The following MMP24 variants were observed in gnomAD, a reference collection of about 807,000 sequenced individuals.
The protein encoded by MMP24 is matrix metallopeptidase 24.
Under a neutral mutation model 62.8 loss-of-function variants are expected in MMP24, and 25 were observed. That is an observed-to-expected ratio of 0.40 (90% confidence interval 0.29 to 0.56). The LOEUF (loss-of-function observed/expected upper bound fraction) is 0.56, where lower values mean the gene tolerates loss of function less well. Among genes scored for constraint, MMP24 ranks in the 20% least tolerant of loss-of-function variants. MMP24 has a pLI of 0.50. For missense variants in MMP24, 634 were observed against 853.6 expected (o/e 0.74, Z 3.21); for synonymous variants, 319 against 350.5 (o/e 0.91, Z 1.00).
rs1231537611 is a variant in MMP24 at position 35,263,928 on chromosome 20, C to G, written c.955C>G (p.Leu319Val). Residue 319 changes from leucine to valine, a missense_variant, in exon 5 of 9, where the codon CTC becomes GTC. Physicochemically the swap from Leu to Val is conservative, Grantham distance 32 (BLOSUM62 1). Around this residue, in one of 3 missense-constraint regions of MMP24, gnomAD observed 399 missense variants for 530.8 expected, o/e 0.75. Transcript: ENST00000246186. ...CAACTTCAAGCTGCCCCAGGACGAT[C>G]TCCAGGGCATCCAGAAGATCTATGG... ...THNFKLPQDD[L>V]QGIQKIYGPP... is the part of the protein sequence containing the mutation. 1 of 1,610,928 alleles carries G rather than the reference C, an allele frequency of 6.2e-7. No individual in the cohort carries two copies. Among genetic ancestry groups the G allele is most frequent in the Non-Finnish European group, 8.5e-7 (1 of 1,178,386 alleles).
At chr20:35,266,838 G>A (rs1568620199) in intron 5 of MMP24, among the ~76,000 whole-genome samples, 1 of 152,110 alleles carries the variant, frequency 6.6e-6, no homozygotes, top group Non-Finnish European at 1.5e-5. Flanking sequence ...GTGGGTGACG[G>A]GTAGAAGCTG....
intron 1 of MMP24, among the ~76,000 whole-genome samples, chr20:35,231,620 G>A (rs1284534016): frequency 6.6e-6 from 1 of 152,072 alleles, no homozygotes; most frequent in East Asian, 1.9e-4. Flanking sequence ...CCATGTATGT[G>A]GCCCTATTTG....
chr20:35,271,789 G>C lies in MMP24; in HGVS notation c.1554G>C (p.Lys518Asn). 6.2e-7 allele frequency: 1 copy of C among 1,608,138 alleles called. No homozygotes were observed. Among genetic ancestry groups the C allele is most frequent in the South Asian group, 1.1e-5 (1 of 89,914 alleles). ...ACCCTAAGCCCATCACCGTGTGGAA[G>C]GGCATCCCACAGGCTCCCCAAGGAG... The part of the protein sequence containing the change: ...PGYPKPITVW[K>N]GIPQAPQGAF... The change falls in exon 8 of 9, where the codon AAG becomes AAC. Residue 518 changes from lysine (K) to asparagine (N), a missense_variant. By Grantham distance (94) the Lys-to-Asn change is moderately conservative. Transcript: ENST00000246186. The surrounding 1 kb of genome is among the most constrained non-coding windows in gnomAD (Gnocchi z 4.0).
Position 35,271,103 on chromosome 20 carries a change from G to T in MMP24, c.1334-466G>T, listed in dbSNP as rs1008226750. On this transcript the variant is annotated intron_variant, in intron 7 of 8. Transcript: ENST00000246186. This position sits in a 1 kb window ranked among gnomAD's most constrained non-coding sequence, Gnocchi z 4.0. The stretch of plus-strand genomic sequence containing the variant: ...AAGAGAGGGTCAACAGTGAGGCTAG[G>T]ACTCCCTGTTGGGGACCTGGGAGGC... 6.6e-6 allele frequency among the ~76,000 whole-genome samples: 1 copy of T among 152,174 alleles called. No homozygotes were observed. The highest frequency in any genetic ancestry group is 1.9e-4 in the East Asian group (1 of 5,178).
intron 1 of MMP24, among the ~76,000 whole-genome samples, chr20:35,231,296 T>C (rs1389314219): frequency 6.6e-6 from 1 of 152,188 alleles, no homozygotes; most frequent in Non-Finnish European, 1.5e-5. Flanking sequence ...GCTGAGGAGA[T>C]GGAGAACAGT....
At chr20:35,249,612 G>C (rs946734622) in intron 2 of MMP24, among the ~76,000 whole-genome samples, 1 of 149,248 alleles carries the variant, frequency 6.7e-6, no homozygotes, top group African/African-American at 2.5e-5. Flanking sequence ...TTTTTGAGAC[G>C]GAGTCTCGCT....
At chr20:35,243,175 T>C (rs1360785907) in intron 1 of MMP24, among the ~76,000 whole-genome samples, 1 of 151,708 alleles carries the variant, frequency 6.6e-6, no homozygotes. Flanking sequence ...CAAGACTTCA[T>C]CTCAAAAAAA....
intron 3 of MMP24, among the ~76,000 whole-genome samples, chr20:35,253,614 G>A (rs553096929): frequency 2.0e-4 from 30 of 152,122 alleles, no homozygotes; most frequent in Non-Finnish European, 3.5e-4. Flanking sequence ...AGGTAGTAAC[G>A]TTGTTTTGTG....
intron 1 of MMP24, among the ~76,000 whole-genome samples, chr20:35,229,678 T>A (rs78194423): frequency 0.071 from 10,862 of 152,128 alleles, 1,293 homozygotes; most frequent in African/African-American, 0.25. Context: ...CTGGAGTCTG[T>A]CTCCACCCTA....
At chr20:35,235,644 G>T (rs1021782438) in intron 1 of MMP24, among the ~76,000 whole-genome samples, 1 of 152,138 alleles carries the variant, frequency 6.6e-6, no homozygotes, top group African/African-American at 2.4e-5. Context: ...GTTGCAGTGA[G>T]CCAAAATCAC....
chr20:35,245,505 G>C (rs1568612368), intron 1 of MMP24, among the ~76,000 whole-genome samples: 1 of 151,528 alleles, frequency 6.6e-6, no homozygotes, highest in Non-Finnish European at 1.5e-5. Context: ...CTGGAGGGCA[G>C]TTGTGCAATC....
intron 3 of MMP24, among the ~76,000 whole-genome samples, chr20:35,254,089 G>A (rs542231150): frequency 1.3e-5 from 2 of 152,186 alleles, no homozygotes; most frequent in African/African-American, 2.4e-5. Context: ...GGCTGGTCTC[G>A]AACTCCTGAC....
At chr20:35,246,176 CG>C (rs1555794089) in intron 1 of MMP24, among the ~76,000 whole-genome samples, 1 of 151,760 alleles carries the variant, frequency 6.6e-6, no homozygotes, top group Non-Finnish European at 1.5e-5. Flanking sequence ...CCGTGCTGGC[CG>C]GGCGCGGTGG....
intron 1 of MMP24, among the ~76,000 whole-genome samples, chr20:35,241,975 G>C (rs2425021): frequency 0.24 from 36,508 of 152,124 alleles, 6,042 homozygotes; most frequent in African/African-American, 0.48. Context: ...TGGCAGATAG[G>C]GAGGCACTGG....
chr20:35,250,586 AAG>A (rs1030316255), intron 2 of MMP24, among the ~76,000 whole-genome samples: 3 of 151,924 alleles, frequency 2.0e-5, no homozygotes, highest in African/African-American at 7.3e-5. Context: ...GAAAGAAAGA[AAG>A]AGAAATACCT....
intron 1 of MMP24, among the ~76,000 whole-genome samples, chr20:35,230,330 G>C (rs1056192382): frequency 6.6e-6 from 1 of 152,116 alleles, no homozygotes; most frequent in African/African-American, 2.4e-5. Context: ...TTTGGGGAGA[G>C]GAAGGTTGGT....
chr20:35,273,288 T>C (rs1341106853), intron 8 of MMP24, among the ~76,000 whole-genome samples: 1 of 151,466 alleles, frequency 6.6e-6, no homozygotes, highest in Non-Finnish European at 1.5e-5. Flanking sequence ...CCCAGCTACT[T>C]GGGAGGCTGA....
chr20:35,243,673 A>G (rs1437288660), intron 1 of MMP24, among the ~76,000 whole-genome samples: 2 of 152,180 alleles, frequency 1.3e-5, no homozygotes, highest in East Asian at 3.9e-4. Context: ...GCCCAATCTT[A>G]TAATATCTAT....
intron 2 of MMP24, 38 bp downstream of exon 2, chr20:35,247,026 TGG>T (rs1369928413): frequency 6.2e-7 from 1 of 1,611,178 alleles, no homozygotes; most frequent in East Asian, 2.2e-5. Flanking sequence ...TTGAACTTTC[TGG>T]ACTTACATTT....
Sources: allele counts gnomAD v4.1 joint callset (sites outside exome capture counted in the v4.1 genomes callset), GRCh38; gene constraint gnomAD v4.1.1; regional missense constraint gnomAD v4.1.1; non-coding constraint Gnocchi (gnomAD v3.1); transcripts MANE v1.5; gene names NCBI Gene and HGNC (gene_info 2026-07-23, HGNC 2026-07-21).